The following ANO1 variants were observed in gnomAD, a reference collection of about 807,000 sequenced individuals.
ANO1 encodes anoctamin-1.
A neutral mutation model predicts 124.0 loss-of-function variants in ANO1; 59 were observed. The ratio of observed to expected loss-of-function variants is 0.48; its 90% CI spans 0.39 to 0.59. The LOEUF (loss-of-function observed/expected upper bound fraction) is 0.59. Among genes scored for constraint, ANO1 ranks in the 20% least tolerant of loss-of-function variants. ANO1 has a pLI of 0.00. For synonymous variants in ANO1, 529 were observed against 532.0 expected (o/e 0.99, Z 0.08); for missense variants, 1,059 against 1,328.0 (o/e 0.80, Z 3.15).
At chr11:69,998,642 C>T (rs1474383821) in intron 1 of ANO1, among the ~76,000 whole-genome samples, 1 of 152,124 alleles carries the variant, frequency 6.6e-6, no homozygotes, top group Non-Finnish European at 1.5e-5. Context: ...TTAGGCCATT[C>T]TCCCATTGCC....
intron 1 of ANO1, among the ~76,000 whole-genome samples, chr11:70,032,537 G>GT (rs541131008): frequency 2.4e-5 from 3 of 123,554 alleles, no homozygotes; most frequent in South Asian, 3.2e-4. Flanking sequence ...GGCGGGAGAG[G>GT]GGGGGGGTCT....
intron 1 of ANO1, among the ~76,000 whole-genome samples, chr11:70,009,923 C>T (rs1856560154): frequency 6.6e-6 from 1 of 151,874 alleles, no homozygotes; most frequent in Non-Finnish European, 1.5e-5. Flanking sequence ...CCCTCACCCT[C>T]CTCCCACCCT....
At chr11:70,149,925 C>A (rs1278156203) in intron 12 of ANO1, 133 bp downstream of exon 12, 9 of 911,630 alleles carry the variant, frequency 9.9e-6, no homozygotes, top group Non-Finnish European at 1.4e-5. Context: ...GGCCGCCCCC[C>A]ATCCCCCACC....
At chr11:70,002,901 G>C (rs1396443811) in intron 1 of ANO1, among the ~76,000 whole-genome samples, 1 of 152,050 alleles carries the variant, frequency 6.6e-6, no homozygotes, top group African/African-American at 2.4e-5. Flanking sequence ...AAATCATTAA[G>C]TATAAAAATA....
At chr11:70,067,520 G>T (rs782047544) in intron 1 of ANO1, among the ~76,000 whole-genome samples, 2 of 152,132 alleles carry the variant, frequency 1.3e-5, no homozygotes, top group Admixed American at 6.5e-5. Flanking sequence ...TAGAGATGGG[G>T]TTTCACCATG....
At chr11:70,056,029 C>G (rs1377583297) in intron 1 of ANO1, among the ~76,000 whole-genome samples, 5 of 151,284 alleles carry the variant, frequency 3.3e-5, no homozygotes, top group African/African-American at 1.2e-4. Context: ...TACATTTAAT[C>G]CCCACAAGAC....
chr11:70,052,850 G>A (rs1209720701), intron 1 of ANO1, among the ~76,000 whole-genome samples: 2 of 152,016 alleles, frequency 1.3e-5, no homozygotes, highest in Non-Finnish European at 2.9e-5. Context: ...CCCGGCCCCA[G>A]TTTGGAGAGA....
intron 8 of ANO1, among the ~76,000 whole-genome samples, chr11:70,121,073 C>A (rs1035429194): frequency 6.6e-6 from 1 of 152,142 alleles, no homozygotes; most frequent in African/African-American, 2.4e-5. Context: ...AGTAGGCCCC[C>A]TCCACACGTC....
intron 11 of ANO1, among the ~76,000 whole-genome samples, chr11:70,136,295 C>T (rs1565236983): frequency 6.6e-6 from 1 of 152,170 alleles, no homozygotes; most frequent in Non-Finnish European, 1.5e-5. Flanking sequence ...TTCTCAAACT[C>T]GGTCCCACAG....
At chr11:69,990,911 G>T (rs1163499674) in intron 1 of ANO1, among the ~76,000 whole-genome samples, 4 of 152,082 alleles carry the variant, frequency 2.6e-5, no homozygotes, top group Non-Finnish European at 5.9e-5. Flanking sequence ...CCATTCTGTA[G>T]GTTGTCTTTT....
chr11:70,137,578 G>T lies in ANO1; in HGVS notation c.1258+5499G>T, dbSNP rs139749406. Among the ~76,000 whole-genome samples the T allele has an allele frequency of 2.0e-3, 298 of 146,034 alleles. 8 individuals are homozygous for T. The highest frequency in any genetic ancestry group is 7.0e-3 in the African/African-American group (290 of 41,168). ...TGGTGCCCCAGCTCCAGGCTGGGAA[G>T]ATCCACCCAGCGGGGCCCGGCCTGC... On this transcript the variant is annotated intron_variant, in intron 11 of 25. Coordinates refer to ENST00000355303, the MANE Select transcript of ANO1 (RefSeq NM_018043.7).
chr11:70,177,187 C>T (rs1242216947), intron 22 of ANO1, among the ~76,000 whole-genome samples: 1 of 152,230 alleles, frequency 6.6e-6, no homozygotes, highest in Admixed American at 6.5e-5. Context: ...AACTCAGGAG[C>T]CACGTCCCTC....
intron 1 of ANO1, among the ~76,000 whole-genome samples, chr11:69,992,007 C>T (rs1391694614): frequency 5.3e-5 from 8 of 152,216 alleles, no homozygotes; most frequent in African/African-American, 1.7e-4. Flanking sequence ...CAGTTAATTT[C>T]GTCCACCACT....
intron 1 of ANO1, among the ~76,000 whole-genome samples, chr11:70,067,296 G>C (rs570649886): frequency 6.7e-6 from 1 of 149,316 alleles, no homozygotes; most frequent in Non-Finnish European, 1.5e-5. Context: ...CTGGACAGCA[G>C]CTCCAAGGGG....
chr11:69,994,846 G>C (rs1554998119), intron 1 of ANO1, among the ~76,000 whole-genome samples: 1 of 152,098 alleles, frequency 6.6e-6, no homozygotes. Context: ...TTCCCCACCA[G>C]ACACACACAG....
the ANO1 span, among the ~76,000 whole-genome samples, chr11:69,971,972 G>T: frequency 6.6e-6 from 1 of 152,190 alleles, no homozygotes; most frequent in Non-Finnish European, 1.5e-5. Context: ...TGTAATCTCA[G>T]CACTTTGAGA....
chr11:70,012,782 C>T (rs4980577), intron 1 of ANO1, among the ~76,000 whole-genome samples: 117,946 of 152,090 alleles, frequency 0.78, 46,085 homozygotes, highest in East Asian at 1. Flanking sequence ...CATCCATTTG[C>T]CCATCTATTC....
At chr11:70,102,500 C>T (rs528437324) in intron 2 of ANO1, among the ~76,000 whole-genome samples, 9 of 152,348 alleles carry the variant, frequency 5.9e-5, no homozygotes, top group South Asian at 4.1e-4. Flanking sequence ...ATGCACCAGG[C>T]TGCCATTCTC....
At chr11:70,048,837 T>C (rs1380357359) in intron 1 of ANO1, among the ~76,000 whole-genome samples, 1 of 151,922 alleles carries the variant, frequency 6.6e-6, no homozygotes, top group Non-Finnish European at 1.5e-5. Context: ...TTATATCCCT[T>C]GGGGGGGCCT....
Sources: allele counts gnomAD v4.1 joint callset (sites outside exome capture counted in the v4.1 genomes callset), GRCh38; gene constraint gnomAD v4.1.1; transcripts MANE v1.5; gene names NCBI Gene and HGNC (gene_info 2026-07-23, HGNC 2026-07-21).